Variants in CDH12 observed in about 807,000 individuals in gnomAD.
CDH12 encodes the protein cadherin-12.
Under a neutral mutation model 74.1 loss-of-function variants are expected in CDH12, and 41 were observed. The observed-to-expected ratio is 0.55, with a 90% CI of 0.43 to 0.72. CDH12 has a LOEUF of 0.72. CDH12 is among the 30% of genes least tolerant of loss of function. CDH12 has a pLI of 0.00. For missense variants in CDH12, 945 were observed against 977.2 expected, an observed-to-expected ratio of 0.97 and a Z score of 0.44; for synonymous variants, 399 against 355.0, an observed-to-expected ratio of 1.12 and a Z score of -1.39.
chr5:22,756,098 GAAA>G (rs60067455), intron 1 of CDH12, among the ~76,000 whole-genome samples: 9,798 of 87,268 alleles, frequency 0.11, 370 homozygotes, highest in African/African-American at 0.19. Flanking sequence ...TTCAAGGACC[GAAA>G]AAAAAAAAAA....
At chr5:22,800,232 C>T (rs1748441110) in intron 1 of CDH12, among the ~76,000 whole-genome samples, 1 of 152,122 alleles carries the variant, frequency 6.6e-6, no homozygotes, top group Non-Finnish European at 1.5e-5. Context: ...GGGGCTATTA[C>T]AGCAGCATGA....
At chr5:22,824,435 G>C (rs763651368) in intron 1 of CDH12, among the ~76,000 whole-genome samples, 2 of 152,070 alleles carry the variant, frequency 1.3e-5, no homozygotes, top group Non-Finnish European at 2.9e-5. Flanking sequence ...ATACAAATGA[G>C]TAAGCATGTG....
intron 6 of CDH12, among the ~76,000 whole-genome samples, chr5:21,880,501 TCC>T (rs1752197578): frequency 7.9e-5 from 2 of 25,380 alleles, no homozygotes; most frequent in Admixed American, 5.3e-4. Context: ...CTTCCTTCCT[TCC>T]TCCCTCCCTC....
chr5:22,498,901 CTTTT>C (rs34550762), intron 2 of CDH12, among the ~76,000 whole-genome samples: 1 of 73,412 alleles, frequency 1.4e-5, no homozygotes, highest in Admixed American at 1.8e-4. Flanking sequence ...TTTTCTGTTT[CTTTT>C]TTTTTTTTTT....
chr5:22,225,947 A>C (rs921299170), intron 3 of CDH12, among the ~76,000 whole-genome samples: 1 of 152,038 alleles, frequency 6.6e-6, no homozygotes. Context: ...AAAACTAAAC[A>C]TCTGGGGATC....
chr5:21,970,762 C>A (rs1467541254), intron 6 of CDH12, among the ~76,000 whole-genome samples: 2 of 134,828 alleles, frequency 1.5e-5, no homozygotes, highest in African/African-American at 5.7e-5. Context: ...ATCACTTGAA[C>A]CTGGAAGGCA....
intron 3 of CDH12, among the ~76,000 whole-genome samples, chr5:22,340,877 C>A (rs1319096571): frequency 6.6e-6 from 1 of 152,130 alleles, no homozygotes; most frequent in Non-Finnish European, 1.5e-5. Context: ...AAAATACCTA[C>A]CCTTTTCAAA....
chr5:22,210,931 C>T (rs1014124081), intron 4 of CDH12, among the ~76,000 whole-genome samples: 5 of 151,946 alleles, frequency 3.3e-5, no homozygotes, highest in African/African-American at 1.2e-4. Flanking sequence ...AAATCATCTC[C>T]CCAGGGAAAA....
chr5:21,771,492 T>A (rs1244191864), intron 11 of CDH12, among the ~76,000 whole-genome samples: 1 of 152,172 alleles, frequency 6.6e-6, no homozygotes, highest in South Asian at 2.1e-4. Context: ...TGTGATTCCA[T>A]AAAGGTGGAT....
At chr5:22,543,022 C>T (rs1468906248) in intron 1 of CDH12, among the ~76,000 whole-genome samples, 2 of 151,962 alleles carry the variant, frequency 1.3e-5, no homozygotes, top group African/African-American at 4.8e-5. Flanking sequence ...TCCTATAATT[C>T]CTCAAATAAG....
intron 4 of CDH12, among the ~76,000 whole-genome samples, chr5:22,202,154 C>T: frequency 2.3e-5 from 1 of 42,922 alleles, no homozygotes; most frequent in South Asian, 1.3e-3. Flanking sequence ...TACTTTCCTT[C>T]CTTCCTTCCT....
chr5:22,647,411 G>GCCA (rs944858378), intron 1 of CDH12, among the ~76,000 whole-genome samples: 1 of 151,538 alleles, frequency 6.6e-6, no homozygotes, highest in African/African-American at 2.4e-5. Flanking sequence ...AGCTTGGTAT[G>GCCA]CCATAACAAA....
At chr5:22,695,975 C>G (rs1174560732) in intron 1 of CDH12, among the ~76,000 whole-genome samples, 1 of 152,128 alleles carries the variant, frequency 6.6e-6, no homozygotes, top group Non-Finnish European at 1.5e-5. Context: ...TTAACCAACA[C>G]TGGTTCTTTT....
chr5:22,257,026 C>A (rs1209800949), intron 3 of CDH12, among the ~76,000 whole-genome samples: 1 of 152,124 alleles, frequency 6.6e-6, no homozygotes, highest in African/African-American at 2.4e-5. Context: ...TTTGTAGGGA[C>A]ATGGTTGGAA....
intron 1 of CDH12, among the ~76,000 whole-genome samples, chr5:22,813,501 C>T (rs144895201): frequency 6.6e-6 from 1 of 152,144 alleles, no homozygotes; most frequent in Non-Finnish European, 1.5e-5. Context: ...CTGGTTTCCA[C>T]ACCTTTGGTG....
At position 22,434,650 on chromosome 5, in the gene CDH12, G is replaced by C. The variant is rs545411284; in HGVS notation, c.-427-29299C>G. 9.2e-5 allele frequency among the ~76,000 whole-genome samples: 14 copies of C among 152,158 alleles called. No individual in the cohort carries two copies. In the East Asian group the frequency reaches 2.7e-3, roughly 29 times the overall value. On this transcript the variant is annotated intron_variant, in intron 2 of 14. Transcript: ENST00000382254. ...CATATTAACCATGCACAATCTTGCAGACTTTTATATAACGTCATTTTAATG... is the reference window on the plus strand; with the variant it reads ...CATATTAACCATGCACAATCTTGCACACTTTTATATAACGTCATTTTAATG...
intron 2 of CDH12, among the ~76,000 whole-genome samples, chr5:22,414,362 T>C (rs1743293438): frequency 6.6e-6 from 1 of 151,946 alleles, no homozygotes; most frequent in African/African-American, 2.4e-5. Flanking sequence ...ATTCAAACTC[T>C]TGCAATATTT....
At chr5:21,973,964 A>T (rs1279410678) in intron 6 of CDH12, among the ~76,000 whole-genome samples, 1 of 151,848 alleles carries the variant, frequency 6.6e-6, no homozygotes, top group African/African-American at 2.4e-5. Context: ...TAAAATTTGA[A>T]ATCTAAGTGA....
intron 6 of CDH12, among the ~76,000 whole-genome samples, chr5:21,894,375 T>C (rs1753026977): frequency 2.4e-5 from 3 of 122,476 alleles, no homozygotes; most frequent in Admixed American, 9.7e-5. Context: ...GGAGACACCG[T>C]CTCAAAGAAA....
Sources: gnomAD v4.1 joint callset for allele counts (sites outside exome capture counted in the v4.1 genomes callset) on GRCh38, gnomAD v4.1.1 for gene constraint, MANE v1.5 for transcripts, NCBI Gene and HGNC (gene_info 2026-07-23, HGNC 2026-07-21) for gene names.